The following ASMTL variants were observed in gnomAD, a reference collection of about 807,000 sequenced individuals.
ASMTL encodes the protein acetylserotonin O-methyltransferase like.
In ASMTL, 57 loss-of-function variants were observed where a neutral mutation model predicts 60.3. That is an observed-to-expected ratio of 0.95 (90% CI 0.76 to 1.18). The LOEUF (loss-of-function observed/expected upper bound fraction) is 1.18, where lower values mean the gene tolerates loss of function less well. Among genes scored for constraint, ASMTL ranks in the 50% most tolerant of loss-of-function variants. ASMTL has a pLI of 0.00. For synonymous variants in ASMTL, 419 were observed against 373.0 expected (o/e 1.12, Z -1.42); for missense variants, 981 against 852.6 (o/e 1.15, Z -1.88).
intron 1 of ASMTL, among the ~76,000 whole-genome samples, chrX:1,443,088 C>T (rs1272626629): frequency 2.7e-5 from 3 of 111,494 alleles, no homozygotes; most frequent in Non-Finnish European, 6.1e-5. Context: ...ACACACACTG[C>T]CATCTGGGAC....
chrX:1,435,768 G>A lies in ASMTL; in HGVS notation c.274-10C>T, dbSNP rs2090950249. 6.2e-7 allele frequency: 1 copy of A among 1,613,046 alleles called. No homozygotes were observed. The highest frequency in any genetic ancestry group is 8.5e-7 in the Non-Finnish European group (1 of 1,179,326). ...TCAGCCCCCCGACTGTCTGTGAGAG[G>A]AAGGGACAGAGGGAGTTGGTTCCCA... On this transcript the variant is annotated splice_polypyrimidine_tract_variant and intron_variant, in intron 3 of 12. Coordinates refer to ENST00000381317, the MANE Select transcript of ASMTL (RefSeq NM_004192.4).
intron 6 of ASMTL, among the ~76,000 whole-genome samples, chrX:1,428,499 G>A (rs1473134187): frequency 1.3e-5 from 2 of 151,382 alleles, no homozygotes; most frequent in African/African-American, 2.4e-5. Context: ...AAAATTAGCC[G>A]GGTGTGGTGT....
upstream of ASMTL, chrX:1,453,012 A>T: frequency 1.9e-6 from 1 of 534,428 alleles, no homozygotes; most frequent in South Asian, 2.3e-5. Context: ...TCCCCGCGAG[A>T]CCGCGCCCAG....
chrX:1,432,568 G>A (rs1338427837), intron 5 of ASMTL, among the ~76,000 whole-genome samples, 191 bp from the exon 6 acceptor site: 3 of 152,212 alleles, frequency 2.0e-5, no homozygotes, highest in Non-Finnish European at 2.9e-5. Flanking sequence ...GGTGGCTCAC[G>A]CCTGTCATCC....
intron 1 of ASMTL, among the ~76,000 whole-genome samples, chrX:1,448,269 A>ATGC: frequency 7.0e-6 from 1 of 143,226 alleles, no homozygotes; most frequent in South Asian, 2.3e-4. Context: ...TCTTGGACAC[A>ATGC]CAACATCTTG....
chrX:1,421,955 C>T lies in ASMTL; in HGVS notation c.1061-113G>A, dbSNP rs1192612825. ...ATAAACATCACCCATCTGACTATAGCAAACCGTACACTCAAGGAAACCTGA... is the reference window on the plus strand; with the variant it reads ...ATAAACATCACCCATCTGACTATAGTAAACCGTACACTCAAGGAAACCTGA... On this transcript the variant is annotated intron_variant, in intron 8 of 12. Transcript: ENST00000381317. 1.1e-5 allele frequency: 11 copies of T among 999,568 alleles called. No homozygotes were observed. In the Admixed American group the frequency reaches 1.6e-4, roughly 14 times the overall value. 61.9% of individuals were successfully genotyped at this position (999,568 alleles called of 1,614,324 possible). A position where few individuals can be genotyped will look rare whatever the true frequency, so the allele number is the denominator to read the frequency against.
At chrX:1,430,506 G>A (rs1394382716) in intron 6 of ASMTL, among the ~76,000 whole-genome samples, 7 of 152,118 alleles carry the variant, frequency 4.6e-5, no homozygotes, top group Middle Eastern at 3.4e-3. Context: ...GTGTTGGTGC[G>A]TGTCCTGTGG....
chrX:1,452,988 C>T (rs1175123993), upstream of ASMTL: 1 of 606,860 alleles, frequency 1.6e-6, no homozygotes, highest in African/African-American at 2.0e-5. Flanking sequence ...GCCCAGTCCG[C>T]GCCTTCAGTG....
chrX:1,408,003 T>G (rs2089929654), intron 12 of ASMTL, among the ~76,000 whole-genome samples: 2 of 121,134 alleles, frequency 1.7e-5, no homozygotes, highest in South Asian at 2.7e-4. Flanking sequence ...CCAGGAAGGG[T>G]AGCCTGGGCA....
intron 2 of ASMTL, among the ~76,000 whole-genome samples, chrX:1,440,349 C>T: frequency 6.6e-6 from 1 of 152,188 alleles, no homozygotes; most frequent in South Asian, 2.1e-4. Context: ...CTCGGCCTCC[C>T]AAAGTGCTGG....
chrX:1,413,161 G>A (rs1251159138), intron 11 of ASMTL: 9 of 375,074 alleles, frequency 2.4e-5, no homozygotes, highest in African/African-American at 8.0e-5. Flanking sequence ...TCAGGAGTTC[G>A]AGACCAGCCT....
At chrX:1,422,011 A>C (rs1355228945) in intron 8 of ASMTL, 169 bp from the exon 9 acceptor site, 11 of 181,624 alleles carry the variant, frequency 6.1e-5, no homozygotes, top group Non-Finnish European at 2.1e-5. Context: ...AGATGTTAAA[A>C]TAAACATCAT....
intron 12 of ASMTL, among the ~76,000 whole-genome samples, chrX:1,412,268 C>T (rs1192470316): frequency 9.2e-5 from 14 of 152,258 alleles, no homozygotes; most frequent in African/African-American, 3.4e-4. Flanking sequence ...CACTCCGTCG[C>T]CCAGGCTGGA....
chrX:1,443,315 GCCATCTTGGACAC>G (rs2091155534), intron 1 of ASMTL, among the ~76,000 whole-genome samples: 7 of 48,348 alleles, frequency 1.4e-4, no homozygotes, highest in Non-Finnish European at 2.8e-4. Flanking sequence ...GACACACACC[GCCATCTTGGACAC>G]ACACCGCCAT....
chrX:1,425,739 C>G (rs1276110331), intron 7 of ASMTL, 52 bp from the exon 8 acceptor site: 4 of 1,575,144 alleles, frequency 2.5e-6, no homozygotes, highest in Non-Finnish European at 3.5e-6. Flanking sequence ...CCAGTACTTT[C>G]TACTCCCACA....
intron 1 of ASMTL, among the ~76,000 whole-genome samples, chrX:1,444,997 TTCTCTC>T (rs1275912318): frequency 1.3e-5 from 2 of 150,578 alleles, no homozygotes; most frequent in Non-Finnish European, 3.0e-5. Context: ...TTCTTCCCTC[TTCTCTC>T]TCTCTCTCTG....
chrX:1,433,091 C>T (rs1327307745), intron 5 of ASMTL, among the ~76,000 whole-genome samples: 2 of 152,026 alleles, frequency 1.3e-5, no homozygotes, highest in African/African-American at 2.4e-5. Context: ...GAGCGAGACT[C>T]TGTCTCAAAT....
chrX:1,449,675 C>G (rs2091306303), intron 1 of ASMTL, among the ~76,000 whole-genome samples: 1 of 149,262 alleles, frequency 6.7e-6, no homozygotes, highest in Admixed American at 6.6e-5. Flanking sequence ...AGTAACTATG[C>G]CCCATCATCA....
At chrX:1,442,139 C>A in intron 2 of ASMTL, 47 bp downstream of exon 2, 1 of 1,600,976 alleles carries the variant, frequency 6.2e-7, no homozygotes, top group African/African-American at 1.3e-5. Flanking sequence ...ATCCCCTCAT[C>A]ACAGCAAAGG....
Sources: allele counts gnomAD v4.1 joint callset (sites outside exome capture counted in the v4.1 genomes callset), GRCh38; gene constraint gnomAD v4.1.1; transcripts MANE v1.5; gene names NCBI Gene and HGNC (gene_info 2026-07-23, HGNC 2026-07-21).